The following ZNF184 variants were observed in gnomAD, a reference collection of about 807,000 sequenced individuals.
ZNF184 encodes zinc finger protein 184.
A neutral mutation model predicts 54.4 loss-of-function variants in ZNF184; 16 were observed. The observed-to-expected ratio is 0.29, with a 90% confidence interval of 0.20 to 0.45. The LOEUF is 0.45. Among genes scored for constraint, ZNF184 ranks in the 20% least tolerant of loss-of-function variants. The probability of loss-of-function intolerance (pLI) is 1.00; values close to 1 mark genes in which losing one functional copy is unlikely to be tolerated. For synonymous variants in ZNF184, 254 were observed against 295.3 expected, an observed-to-expected ratio of 0.86 and a Z score of 1.43; for missense variants, 681 against 888.2, an observed-to-expected ratio of 0.77 and a Z score of 2.97.
At position 27,472,130 on chromosome 6, in the gene ZNF184, A is replaced by C. The variant is rs1763291072; in HGVS notation, c.7+158T>G. On this transcript the variant is annotated intron_variant, in intron 2 of 5. Coordinates refer to ENST00000683788, the MANE Select transcript of ZNF184 (RefSeq NM_001318891.2). This position sits in a 1 kb window ranked among gnomAD's most constrained non-coding sequence, Gnocchi z 4.8. ...TCCCAAGTATCTCTCTATAAAACAG[A>C]ATCTCTCCCTACAATGTAATTCGGT... 6.6e-6 allele frequency among the ~76,000 whole-genome samples: 1 copy of C among 152,202 alleles called. No individual in the cohort carries two copies. The highest frequency in any genetic ancestry group is 1.5e-5 in the Non-Finnish European group (1 of 68,038).
chr6:27,421,892 A>C, the ZNF184 span, among the ~76,000 whole-genome samples: 4 of 152,032 alleles, frequency 2.6e-5, no homozygotes, highest in Admixed American at 2.6e-4. Context: ...CAACACAGGG[A>C]GACCCTGTCT....
At chr6:27,425,952 T>A in the ZNF184 span, among the ~76,000 whole-genome samples, 7 of 152,336 alleles carry the variant, frequency 4.6e-5, no homozygotes, top group Non-Finnish European at 7.3e-5. Context: ...AAGACTGTGG[T>A]GGTATCCCAT....
the ZNF184 span, among the ~76,000 whole-genome samples, chr6:27,439,266 G>A: frequency 6.6e-6 from 1 of 152,088 alleles, no homozygotes; most frequent in African/African-American, 2.4e-5. Context: ...CCCTTTCCAA[G>A]GTTTCAGTTA....
chr6:27,430,169 G>A, the ZNF184 span, among the ~76,000 whole-genome samples: 5 of 152,180 alleles, frequency 3.3e-5, no homozygotes, highest in African/African-American at 1.2e-4. Flanking sequence ...TTTCACACGG[G>A]GATTTTATCT....
In ZNF184 at chr6:27,451,367, CA is replaced by C. The variant is rs759900657; in HGVS notation, c.2191del (p.Cys731ValfsTer44). 6.2e-7 allele frequency: 1 copy of C among 1,613,976 alleles called. No homozygotes were observed. The highest frequency in any genetic ancestry group is 1.1e-5 in the South Asian group (1 of 91,052). On this transcript the variant is annotated frameshift_variant, in exon 6 of 6. Coordinates refer to ENST00000683788, the MANE Select transcript of ZNF184 (RefSeq NM_001318891.2). LOFTEE classifies it high-confidence loss of function. The part of the protein sequence containing the change: ...SGEKPFGCND[C>X]GKSFRYRSAL... ...AGAGCGATATCTGAAGGATTTTCCA[CA>C]ATCATTACATCCAAAAGGCTTCTCT...
rs1160031244 is a variant in ZNF184 at position 27,452,946 on chromosome 6, T to C, written c.613A>G (p.Thr205Ala). ...GAATTCTGTTTGATGCTTCTTTTAG[T>C]AGAGGTCTCTTCTGGAGATGGTTCT... ...TQEPSPEETS[T>A]KRSIKQNSNP... Residue 205 changes from threonine (T) to alanine (A), a missense_variant, in exon 6 of 6, where the codon ACT (threonine) becomes GCT (alanine). Transcript: ENST00000683788. The surrounding 1 kb of genome is among the most constrained non-coding windows in gnomAD (Gnocchi z 5.5). 2 of 1,614,088 alleles carry C rather than the reference T, an allele frequency of 1.2e-6. No individual in the cohort carries two copies. Among genetic ancestry groups the C allele is most frequent in the Non-Finnish European group, 8.5e-7 (1 of 1,180,028 alleles).
chr6:27,435,443 T>G, the ZNF184 span, among the ~76,000 whole-genome samples: 1 of 152,188 alleles, frequency 6.6e-6, no homozygotes, highest in Non-Finnish European at 1.5e-5. Flanking sequence ...TTCTGGATTG[T>G]TCCTTGTTAG....
chr6:27,458,336 A>C (rs925960223), intron 3 of ZNF184, among the ~76,000 whole-genome samples: 1 of 151,180 alleles, frequency 6.6e-6, no homozygotes, highest in Non-Finnish European at 1.5e-5. Flanking sequence ...TACAGAGTTC[A>C]AGACAACCTG....
the ZNF184 span, among the ~76,000 whole-genome samples, chr6:27,426,443 A>G: frequency 6.6e-6 from 1 of 152,050 alleles, no homozygotes; most frequent in Non-Finnish European, 1.5e-5. The surrounding 1 kb of genome is among the most constrained non-coding windows in gnomAD (Gnocchi z 4.2). Context: ...TGCCTTTAGA[A>G]GGTGCCTGCC....
the ZNF184 span, among the ~76,000 whole-genome samples, chr6:27,425,686 C>T: frequency 6.6e-6 from 1 of 152,198 alleles, no homozygotes; most frequent in Non-Finnish European, 1.5e-5. Context: ...CCAGCTAATT[C>T]TTTCCTGCCT....
At chr6:27,462,214 T>C (rs1763012374) in intron 3 of ZNF184, among the ~76,000 whole-genome samples, 1 of 152,076 alleles carries the variant, frequency 6.6e-6, no homozygotes, top group Non-Finnish European at 1.5e-5. Flanking sequence ...TTTTTTTTTT[T>C]TGAGGCGGAG....
chr6:27,451,637 G>C lies in ZNF184; in HGVS notation c.1922C>G (p.Pro641Arg), dbSNP rs1762724170. Residue 641 changes from proline to arginine, a missense_variant, in exon 6 of 6, where the codon CCC becomes CGC. Pro to Arg is a moderately radical substitution (Grantham distance 103). Coordinates refer to ENST00000683788, the MANE Select transcript of ZNF184 (RefSeq NM_001318891.2). ...CTTTTCACATTTATTACACTGGTAG[G>C]GTTTTTCTTCTGTGTGAGTTTTTTG... ...QHQKTHTEEK[P>R]YQCNKCEKTF... 3 of 1,613,996 alleles carry C rather than the reference G, an allele frequency of 1.9e-6. No individual in the cohort carries two copies. The highest frequency in any genetic ancestry group is 2.5e-6 in the Non-Finnish European group (3 of 1,180,018).
the ZNF184 span, among the ~76,000 whole-genome samples, chr6:27,410,772 T>C: frequency 6.6e-6 from 1 of 152,204 alleles, no homozygotes; most frequent in Admixed American, 6.5e-5. Context: ...CCTCAGGTGA[T>C]CCACCTGCCT....
rs1762766752 is a variant in ZNF184, at chr6:27,452,851, A to G, written c.708T>C (p.Ala236=). 1 of 1,614,024 alleles carries G rather than the reference A, an allele frequency of 6.2e-7. No individual in the cohort carries two copies. Among genetic ancestry groups the G allele is most frequent in the Non-Finnish European group, 8.5e-7 (1 of 1,179,984 alleles). Reference sequence around the variant, plus strand: ...TATGTGTTCTCTGATGGCGAATAAGAGCTGAACAATAACTAAAGGCTTTCC... The same window carrying G: ...TATGTGTTCTCTGATGGCGAATAAGGGCTGAACAATAACTAAAGGCTTTCC... ...ECGKAFSYCS[A]LIRHQRTHTG... Residue 236 remains alanine, a synonymous_variant, in exon 6 of 6, where the codon GCT becomes GCC. Transcript: ENST00000683788. This position sits in a 1 kb window ranked among gnomAD's most constrained non-coding sequence, Gnocchi z 5.5.
the ZNF184 span, among the ~76,000 whole-genome samples, chr6:27,429,825 T>G: frequency 6.6e-6 from 1 of 152,228 alleles, no homozygotes; most frequent in Non-Finnish European, 1.5e-5. Context: ...TGGCTCGGCC[T>G]AAGAATTAAA....
chr6:27,408,157 A>G, the ZNF184 span, among the ~76,000 whole-genome samples: 1 of 152,344 alleles, frequency 6.6e-6, no homozygotes, highest in African/African-American at 2.4e-5. Context: ...ATCAAGAGAA[A>G]TGAAAGAGAG....
chr6:27,407,146 G>A, the ZNF184 span, among the ~76,000 whole-genome samples: 1 of 152,204 alleles, frequency 6.6e-6, no homozygotes, highest in African/African-American at 2.4e-5. Flanking sequence ...TTTAGGGTTC[G>A]GGTCCAGCCC....
chr6:27,405,040 T>C, the ZNF184 span: 1 of 151,728 alleles, frequency 6.6e-6, no homozygotes, highest in Non-Finnish European at 1.5e-5. Flanking sequence ...CACTATATAA[T>C]ACCTGATAGG....
chr6:27,439,093 GA>G, the ZNF184 span, among the ~76,000 whole-genome samples: 2 of 152,154 alleles, frequency 1.3e-5, no homozygotes, highest in Non-Finnish European at 2.9e-5. Context: ...GAGCCTATTA[GA>G]AATGCTGAAT....
Sources: gnomAD v4.1 joint callset for allele counts (sites outside exome capture counted in the v4.1 genomes callset) on GRCh38, gnomAD v4.1.1 for gene constraint, Gnocchi (gnomAD v3.1) non-coding constraint, MANE v1.5 for transcripts, NCBI Gene and HGNC (gene_info 2026-07-23, HGNC 2026-07-21) for gene names.